The following LRP2 variants were observed in gnomAD, a reference collection of about 807,000 sequenced individuals.
LRP2 encodes the protein low-density lipoprotein receptor-related protein 2.
A neutral mutation model predicts 531.0 loss-of-function variants in LRP2; 172 were observed. The ratio of observed to expected loss-of-function variants is 0.32; its 90% CI spans 0.29 to 0.37. The LOEUF (loss-of-function observed/expected upper bound fraction) is 0.37. LRP2 is among the 10% of genes least tolerant of loss of function. The probability of loss-of-function intolerance (pLI) is 1.00; values close to 1 mark genes in which losing one functional copy is unlikely to be tolerated. For missense variants in LRP2, 5,167 were observed against 5,868.3 expected (o/e 0.88, Z 3.90); for synonymous variants, 1,992 against 2,027.6 (o/e 0.98, Z 0.47).
intron 3 of LRP2, among the ~76,000 whole-genome samples, chr2:169,310,945 A>C (rs60754714): frequency 0.33 from 50,624 of 151,996 alleles, 9,019 homozygotes; most frequent in African/African-American, 0.47. Flanking sequence ...CGTATGTGTC[A>C]AGGAATTTAT....
At chr2:169,328,995 C>CTAG (rs1384078603) in intron 1 of LRP2, among the ~76,000 whole-genome samples, 1 of 152,204 alleles carries the variant, frequency 6.6e-6, no homozygotes, top group African/African-American at 2.4e-5. Context: ...AATCTCACAG[C>CTAG]TAGTAGGTAG....
rs1188112196 is a variant in LRP2 at position 169,290,911 on chromosome 2, A to C, written c.856T>G (p.Cys286Gly). 6.2e-7 allele frequency: 1 copy of C among 1,614,022 alleles called. No individual in the cohort carries two copies. The highest frequency in any genetic ancestry group is 1.3e-5 in the African/African-American group (1 of 74,910). The change falls in exon 8 of 79, where the codon TGT becomes GGT. Residue 286 changes from cysteine (C) to glycine (G), a missense_variant. Physicochemically the swap from Cys to Gly is radical, Grantham distance 159. Coordinates refer to ENST00000649046, the MANE Select transcript of LRP2 (RefSeq NM_004525.3). ...SGRCISIYKVCDGILDCPGRE... is the reference protein window; with the variant it reads ...SGRCISIYKVGDGILDCPGRE... ...CCTGGGCAATCTAAAATCCCATCAC[A>C]AACTTTATAAATGGAGATGCATCGT...
chr2:169,194,931 G>A (rs112615365), intron 46 of LRP2, among the ~76,000 whole-genome samples: 1,587 of 151,576 alleles, frequency 0.01, 28 homozygotes, highest in African/African-American at 0.036. Flanking sequence ...GGATGGTCTC[G>A]ATCTCTTGAC....
chr2:169,230,576 A>G (rs1689362260), intron 31 of LRP2, among the ~76,000 whole-genome samples: 1 of 152,228 alleles, frequency 6.6e-6, no homozygotes, highest in South Asian at 2.1e-4. Context: ...ATTTAAGTTG[A>G]ACTTGTCTAC....
At chr2:169,335,656 G>GA (rs993068254) in intron 1 of LRP2, among the ~76,000 whole-genome samples, 15 of 149,716 alleles carry the variant, frequency 1.0e-4, no homozygotes, top group Middle Eastern at 3.4e-3. Context: ...CTCAATAGAA[G>GA]AAAAAAAAAG....
chr2:169,294,949 A>G (rs977922769), intron 4 of LRP2, among the ~76,000 whole-genome samples: 2 of 152,192 alleles, frequency 1.3e-5, no homozygotes, highest in Admixed American at 1.3e-4. Context: ...GCTAATGTGG[A>G]AAGTACAGAG....
At chr2:169,297,851 A>G (rs2105477012) in intron 4 of LRP2, among the ~76,000 whole-genome samples, 1 of 152,148 alleles carries the variant, frequency 6.6e-6, no homozygotes, top group East Asian at 1.9e-4. Flanking sequence ...CTTGACAGGA[A>G]GACTGCAGAC....
At chr2:169,131,173 G>T (rs1478988293) in intron 77 of LRP2, among the ~76,000 whole-genome samples, 1 of 151,920 alleles carries the variant, frequency 6.6e-6, no homozygotes, top group African/African-American at 2.4e-5. Flanking sequence ...ATAGCTTAAA[G>T]AAAAAATGTT....
At chr2:169,260,346 G>C (rs890217948) in intron 16 of LRP2, among the ~76,000 whole-genome samples, 1 of 152,094 alleles carries the variant, frequency 6.6e-6, no homozygotes, top group Non-Finnish European at 1.5e-5. Context: ...CAGACACAGA[G>C]ACTGAAAACT....
intron 13 of LRP2, among the ~76,000 whole-genome samples, chr2:169,277,463 G>C (rs923038140): frequency 9.2e-5 from 14 of 152,102 alleles, no homozygotes; most frequent in Non-Finnish European, 1.9e-4. Flanking sequence ...AAAATAATGT[G>C]CATCATGTGG....
chr2:169,323,875 T>C (rs535052531), intron 1 of LRP2, among the ~76,000 whole-genome samples: 2 of 150,944 alleles, frequency 1.3e-5, no homozygotes, highest in Admixed American at 6.6e-5. Context: ...AAAATCCCTC[T>C]AGTAAAAACC....
intron 12 of LRP2, among the ~76,000 whole-genome samples, chr2:169,278,377 A>G (rs1469070448): frequency 6.6e-6 from 1 of 152,030 alleles, no homozygotes; most frequent in African/African-American, 2.4e-5. Flanking sequence ...TCAGCTACTC[A>G]GGAAGCTGAG....
chr2:169,166,146 C>T, intron 61 of LRP2, 92 bp from the exon 62 acceptor site: 2 of 1,345,258 alleles, frequency 1.5e-6, no homozygotes, highest in Non-Finnish European at 2.1e-6. Flanking sequence ...ACCAGGCTTG[C>T]TTCATTCATG....
intron 63 of LRP2, among the ~76,000 whole-genome samples, chr2:169,158,488 CATGTT>C (rs1232353433): frequency 4.6e-5 from 7 of 151,746 alleles, no homozygotes; most frequent in African/African-American, 1.7e-4. Flanking sequence ...CTTACGCTGA[CATGTT>C]ATTAATTGTA....
At chr2:169,133,581 G>A (rs112338866) in intron 76 of LRP2, among the ~76,000 whole-genome samples, 12 of 90,360 alleles carry the variant, frequency 1.3e-4, no homozygotes, top group African/African-American at 2.1e-4. Context: ...GCCATATCTC[G>A]AGTTCAAAAG....
intron 22 of LRP2, among the ~76,000 whole-genome samples, chr2:169,244,023 G>T (rs1050428271): frequency 2.0e-5 from 3 of 152,170 alleles, no homozygotes; most frequent in Admixed American, 1.3e-4. Flanking sequence ...GGATGCAGTG[G>T]CTGGCCCCAC....
intron 1 of LRP2, among the ~76,000 whole-genome samples, chr2:169,321,853 A>C (rs1338887287): frequency 6.6e-6 from 1 of 152,208 alleles, no homozygotes; most frequent in African/African-American, 2.4e-5. Context: ...GGACAATATA[A>C]CTTAAACAAG....
chr2:169,344,216 C>T, intron 1 of LRP2, among the ~76,000 whole-genome samples: 1 of 151,996 alleles, frequency 6.6e-6, no homozygotes, highest in Non-Finnish European at 1.5e-5. Context: ...GTTTGCTGCA[C>T]CCATCAACCC....
chr2:169,205,953 A>G (rs1688369104), intron 40 of LRP2, 70 bp downstream of exon 40: 1 of 1,577,980 alleles, frequency 6.3e-7, no homozygotes. Context: ...CTATCTATGA[A>G]CATAATTTCA....
Sources: gnomAD v4.1 joint callset for allele counts (sites outside exome capture counted in the v4.1 genomes callset) on GRCh38, gnomAD v4.1.1 for gene constraint, MANE v1.5 for transcripts, NCBI Gene and HGNC (gene_info 2026-07-23, HGNC 2026-07-21) for gene names.